FGF13: variants seen among roughly 807,000 people sequenced by gnomAD.
FGF13 encodes fibroblast growth factor 13, also known as fibroblast growth factor homologous factor 2.
Under a neutral mutation model 19.5 loss-of-function variants are expected in FGF13, and 2 were observed. That is an observed-to-expected ratio of 0.10 (90% CI 0.04 to 0.32). FGF13 has a LOEUF of 0.32. Ranked by LOEUF, FGF13 falls within the 10% of genes least tolerant of loss-of-function variation. The pLI is 1.00. For missense variants in FGF13, 113 were observed against 192.7 expected, an observed-to-expected ratio of 0.59 and a Z score of 2.45; for synonymous variants, 72 against 76.9, an observed-to-expected ratio of 0.94 and a Z score of 0.33.
intron 1 of FGF13, among the ~76,000 whole-genome samples, chrX:139,073,993 C>T (rs1258609840): frequency 8.9e-6 from 1 of 112,341 alleles, no homozygotes; most frequent in African/African-American, 3.2e-5. Flanking sequence ...AAAATGTAGT[C>T]CTTGGGCTGT....
At chrX:138,958,610 A>G (rs190460381) in intron 1 of FGF13, among the ~76,000 whole-genome samples, 2,395 of 111,709 alleles carry the variant, frequency 0.021, 74 homozygotes, top group African/African-American at 0.074. Flanking sequence ...CAGCTCCTCC[A>G]TGTACCTCTG....
intron 1 of FGF13, among the ~76,000 whole-genome samples, chrX:139,086,470 G>A (rs2083404048): frequency 8.9e-6 from 1 of 112,085 alleles, no homozygotes; most frequent in Non-Finnish European, 1.9e-5. Flanking sequence ...CATTGTTAAC[G>A]TATTAAATAC....
At position 138,629,108 on chromosome X, in the gene FGF13, T is replaced by G; in HGVS notation, c.*3742A>C. ...TGGCATAGAACAGTAGGTATCAGAT[T>G]CAGGAGATTCCCAGGCCAAGCTTAA... On this transcript the variant is annotated 3_prime_UTR_variant, in exon 5 of 5. Transcript: ENST00000315930. 1 of 111,427 alleles carries G rather than the reference T, an allele frequency of 9.0e-6. No homozygotes were observed. The highest frequency in any genetic ancestry group is 3.3e-5 in the African/African-American group (1 of 30,687). The allele number at this position is 111,427 out of a possible 1,213,427, so 9.2% of individuals were successfully genotyped here.
intron 1 of FGF13, among the ~76,000 whole-genome samples, chrX:139,136,198 T>C (rs1377081280): frequency 9.0e-6 from 1 of 111,138 alleles, no homozygotes; most frequent in Non-Finnish European, 1.9e-5. Flanking sequence ...TGTTGTTTTT[T>C]CAATATATTT....
chrX:138,768,348 A>G (rs1464287533), intron 3 of FGF13, among the ~76,000 whole-genome samples: 1 of 111,646 alleles, frequency 9.0e-6, no homozygotes. Context: ...TTTAGTAGCT[A>G]GACCACGGTT....
At chrX:138,758,796 A>G (rs1184563185) in intron 3 of FGF13, among the ~76,000 whole-genome samples, 1 of 112,629 alleles carries the variant, frequency 8.9e-6, no homozygotes, top group Non-Finnish European at 1.9e-5. Flanking sequence ...ATTCCATATA[A>G]CAGTCATTTC....
chrX:138,689,279 CTCATT>C (rs759010727), intron 3 of FGF13, among the ~76,000 whole-genome samples: 3 of 111,953 alleles, frequency 2.7e-5, no homozygotes, highest in Non-Finnish European at 3.8e-5. Flanking sequence ...ATTATTATCT[CTCATT>C]TATCTGCCAG....
intron 1 of FGF13, among the ~76,000 whole-genome samples, chrX:138,870,613 T>G (rs773809715): frequency 2.5e-4 from 28 of 112,795 alleles, no homozygotes; most frequent in Non-Finnish European, 4.9e-4. Context: ...CAATTTACCC[T>G]TAGATGGGGG....
intron 1 of FGF13, among the ~76,000 whole-genome samples, chrX:138,912,343 T>C (rs1009127232): frequency 1.1e-4 from 12 of 110,269 alleles, no homozygotes; most frequent in African/African-American, 3.0e-4. Context: ...TAGGTCCACA[T>C]AGGAAACAGG....
At chrX:139,121,284 A>C (rs998294295) in intron 1 of FGF13, among the ~76,000 whole-genome samples, 1 of 111,850 alleles carries the variant, frequency 8.9e-6, no homozygotes, top group Non-Finnish European at 1.9e-5. Context: ...AAATAAGCAA[A>C]TTTTACAGGG....
At chrX:139,194,464 C>T (rs1358882501) in intron 1 of FGF13, among the ~76,000 whole-genome samples, 6 of 112,361 alleles carry the variant, frequency 5.3e-5, no homozygotes, top group Non-Finnish European at 9.4e-5. Flanking sequence ...AAATTCAAAT[C>T]TGCCTGTGAG....
At chrX:139,112,300 A>C (rs1333427691) in intron 1 of FGF13, among the ~76,000 whole-genome samples, 2 of 110,257 alleles carry the variant, frequency 1.8e-5, no homozygotes. Context: ...TATTTGTAAA[A>C]CTCTTAGCAC....
At chrX:138,837,616 CA>C (rs1483000571) in intron 3 of FGF13, among the ~76,000 whole-genome samples, 1 of 112,047 alleles carries the variant, frequency 8.9e-6, no homozygotes, top group Non-Finnish European at 1.9e-5. Flanking sequence ...CTCTGTAGAC[CA>C]GGGAACACCA....
rs1482177119 is a variant in FGF13, at chrX:138,637,189, CAT to C, written c.403-1536_403-1535del. On this transcript the variant is annotated intron_variant, in intron 3 of 4. Transcript: ENST00000315930. ...CAATGTACTTCTAAGGCAACTGTCA[CAT>C]GTTAGGAACCAAAATGTTCTATTTA... 4.5e-5 allele frequency among the ~76,000 whole-genome samples: 5 copies of C among 112,197 alleles called. No homozygotes were observed. In the East Asian group the frequency reaches 8.4e-4, roughly 19 times the overall value.
intron 1 of FGF13, among the ~76,000 whole-genome samples, chrX:139,021,980 C>T (rs1029154120): frequency 3.6e-5 from 4 of 111,698 alleles, no homozygotes; most frequent in Non-Finnish European, 5.7e-5. Context: ...ACTCTTTTAT[C>T]CATATTAGAT....
chrX:139,106,109 C>T (rs932303998), intron 1 of FGF13, among the ~76,000 whole-genome samples: 1 of 112,005 alleles, frequency 8.9e-6, no homozygotes, highest in African/African-American at 3.2e-5. Context: ...CTAAAGCAAA[C>T]CTGTGCTTCT....
chrX:139,075,061 T>C (rs2092387711), intron 1 of FGF13, among the ~76,000 whole-genome samples: 1 of 112,200 alleles, frequency 8.9e-6, no homozygotes. Context: ...ACCATGTTTG[T>C]AATATAGTAA....
chrX:138,987,748 A>G (rs773326113), intron 1 of FGF13, among the ~76,000 whole-genome samples: 1 of 112,010 alleles, frequency 8.9e-6, no homozygotes, highest in Admixed American at 9.5e-5. Context: ...TGAAGTTAAC[A>G]TTTGTTTTCT....
chrX:138,651,311 A>G, intron 3 of FGF13, among the ~76,000 whole-genome samples: 1 of 112,438 alleles, frequency 8.9e-6, no homozygotes, highest in East Asian at 2.8e-4. Flanking sequence ...ACTCCAACAA[A>G]AAAGCAAAGA....
Sources: gnomAD v4.1 joint callset for allele counts (sites outside exome capture counted in the v4.1 genomes callset) on GRCh38, gnomAD v4.1.1 for gene constraint, MANE v1.5 for transcripts, NCBI Gene and HGNC (gene_info 2026-07-23, HGNC 2026-07-21) for gene names.